The following TCHHL1 variants were observed in gnomAD, a reference collection of about 807,000 sequenced individuals.
TCHHL1 encodes trichohyalin-like protein 1.
TCHHL1 carries 1 observed loss-of-function variant against 3.5 expected under a neutral mutation model. The observed-to-expected ratio is 0.29, with a 90% CI of 0.10 to 1.36. The LOEUF (loss-of-function observed/expected upper bound fraction) is 1.36. Ranked by LOEUF, TCHHL1 falls within the 40% of genes most tolerant of loss-of-function variation. The pLI is 0.43. For missense variants in TCHHL1, 1,027 were observed against 1,032.8 expected (o/e 0.99, Z 0.08); for synonymous variants, 405 against 375.3 (o/e 1.08, Z -0.92).
At position 152,086,727 on chromosome 1, in the gene TCHHL1, G is replaced by A. The variant is rs1191659035; in HGVS notation, c.955C>T (p.Gln319Ter). The A allele has an allele frequency of 1.2e-6, 2 of 1,614,066 alleles. No homozygotes were observed. The highest frequency in any genetic ancestry group is 8.5e-7 in the Non-Finnish European group (1 of 1,180,046). Residue 319 changes from glutamine (Q) to a stop codon, truncating the protein, a stop_gained, in exon 3 of 3, where the codon CAG becomes TAG. Transcript: ENST00000368806. LOFTEE classifies it low-confidence loss of function (END_TRUNC). ...ACATCCTTGGAATCAGTTGATTTCT[G>A]TGTCTGAGATGGTGACCTGGCAGCA... ...QAAARSPSQT[Q>*]KSTDSKDVCR...
chr1:152,086,315 T>C lies in TCHHL1; in HGVS notation c.1367A>G (p.His456Arg), dbSNP rs2101505215. 6.2e-7 allele frequency: 1 copy of C among 1,614,234 alleles called. No individual in the cohort carries two copies. The highest frequency in any genetic ancestry group is 2.2e-5 in the East Asian group (1 of 44,890). The change falls in exon 3 of 3, where the codon CAC (histidine) becomes CGC (arginine). Residue 456 changes from histidine (H) to arginine (R), a missense_variant. Physicochemically the swap from His to Arg is conservative, Grantham distance 29 (BLOSUM62 0). Around this residue, in one of 3 missense-constraint regions of TCHHL1, gnomAD observed 673 missense variants for 658.6 expected, o/e 1.02. Coordinates refer to ENST00000368806, the MANE Select transcript of TCHHL1 (RefSeq NM_001008536.2). Reference sequence around the variant, plus strand: ...GACTGCTGTTCCTTCAAGTTCAGGGTGAGTCTGATCTCCTCCTTCTGAGCT... The same window carrying C: ...GACTGCTGTTCCTTCAAGTTCAGGGCGAGTCTGATCTCCTCCTTCTGAGCT... ...YLSSEGGDQT[H>R]PELEGTAVSG...
rs764848876 is a variant in TCHHL1 at position 152,087,204 on chromosome 1, A to T, written c.478T>A (p.Trp160Arg). ...GAVGNNRVDP[W>R]REAKTHNFPG... ...AAGTTGTGAGTCTTGGCTTCTCTCC[A>T]TGGGTCCACTCTGTTATTTCCAACT... Residue 160 changes from tryptophan (W) to arginine (R), a missense_variant, in exon 3 of 3, where the codon TGG becomes AGG. Around this residue, in one of 3 missense-constraint regions of TCHHL1, gnomAD observed 338 missense variants for 335.9 expected, o/e 1.01. Transcript: ENST00000368806. The T allele has an allele frequency of 2.2e-5, 35 of 1,613,796 alleles. No individual in the cohort carries two copies. The African/African-American group carries it at 2.7e-4, about 12-fold the overall frequency.
rs1657683807 is a variant in TCHHL1 at position 152,084,753 on chromosome 1, G to A, written c.*214C>T. 2.8e-5 allele frequency: 15 copies of A among 534,676 alleles called. 1 individual carries two copies. The highest frequency in any genetic ancestry group is 4.8e-5 in the Non-Finnish European group (15 of 314,116). The allele number at this position is 534,676 out of a possible 1,614,324, so 33.1% of individuals were successfully genotyped here. On this transcript the variant is annotated 3_prime_UTR_variant, in exon 3 of 3. Transcript: ENST00000368806. ...ATGACAAAGCCCATTTTGGCATTTG[G>A]AAGTAGCATTGTTTGGTAGGAGTTT...
In TCHHL1 at chr1:152,086,643, T is replaced by C. The variant is rs768285824; in HGVS notation, c.1039A>G (p.Thr347Ala). The C allele has an allele frequency of 6.2e-7, 1 of 1,614,064 alleles. No individual in the cohort carries two copies. The highest frequency in any genetic ancestry group is 8.5e-7 in the Non-Finnish European group (1 of 1,180,050). ...GKDADQTPAK[T>A]KNLGEPEDYG... Reference sequence around the variant, plus strand: ...TCCTCAGGTTCACCCAAATTCTTTGTTTTAGCTGGTGTCTGGTCAGCATCC... The same window carrying C: ...TCCTCAGGTTCACCCAAATTCTTTGCTTTAGCTGGTGTCTGGTCAGCATCC... The change falls in exon 3 of 3, where the codon ACA (threonine) becomes GCA (alanine). Residue 347 changes from threonine (T) to alanine (A), a missense_variant. Physicochemically the swap from Thr to Ala is moderately conservative, Grantham distance 58 (BLOSUM62 0). Coordinates refer to ENST00000368806, the MANE Select transcript of TCHHL1 (RefSeq NM_001008536.2).
At position 152,087,234 on chromosome 1, in the gene TCHHL1, C is replaced by T. The variant is rs756129243; in HGVS notation, c.448G>A (p.Gly150Arg). The T allele has an allele frequency of 5.0e-6, 8 of 1,614,000 alleles. No homozygotes were observed. In the Admixed American group the frequency reaches 1.3e-4, roughly 27 times the overall value. The part of the protein sequence containing the change: ...SSSQLIPEES[G>R]AVGNNRVDPW... ...TCCACTCTGTTATTTCCAACTGCTC[C>T]ACTTTCTTCAGGGATGAGCTGAGAT... The change falls in exon 3 of 3, where the codon GGA becomes AGA. Residue 150 changes from glycine (G) to arginine (R), a missense_variant. Physicochemically the swap from Gly to Arg is moderately radical, Grantham distance 125 (BLOSUM62 -2). Transcript: ENST00000368806.
chr1:152,085,677 C>T lies in TCHHL1; in HGVS notation c.2005G>A (p.Glu669Lys). The T allele has an allele frequency of 1.2e-6, 2 of 1,614,170 alleles. No homozygotes were observed. The highest frequency in any genetic ancestry group is 1.1e-5 in the South Asian group (1 of 91,080). The change falls in exon 3 of 3, where the codon GAA (glutamate) becomes AAA (lysine). Residue 669 changes from glutamate to lysine, a missense_variant. This residue lies in a region of TCHHL1 where 673 missense variants were observed against 658.6 expected (regional missense o/e 1.02). Coordinates refer to ENST00000368806, the MANE Select transcript of TCHHL1 (RefSeq NM_001008536.2). ...TCCAGGGCACCTGTGATCTCTATTT[C>T]CAGGGACTTTCTATTTTCATCTCCT... ...TAGDENRKSL[E>K]IEITGALDED...
Position 152,085,065 on chromosome 1 carries a change from G to A in TCHHL1, c.2617C>T (p.Gln873Ter), listed in dbSNP as rs1657692857. 6.2e-7 allele frequency: 1 copy of A among 1,613,896 alleles called. No individual in the cohort carries two copies. Among genetic ancestry groups the A allele is most frequent in the African/African-American group, 1.3e-5 (1 of 74,866 alleles). ...LPLDESPAGA[Q>*]ETPAPQALED... ...AAGGCCTGGGGAGCTGGTGTTTCCT[G>A]TGCACCAGCAGGACTCTCATCAAGT... The change falls in exon 3 of 3, where the codon CAG becomes TAG. Residue 873 changes from glutamine (Q) to a stop codon, truncating the protein, a stop_gained. Coordinates refer to ENST00000368806, the MANE Select transcript of TCHHL1 (RefSeq NM_001008536.2). LOFTEE classifies it low-confidence loss of function (END_TRUNC).
chr1:152,084,240 GCTT>G lies in TCHHL1; in HGVS notation c.*724_*726del, dbSNP rs1657675247. The G allele has an allele frequency of 1.8e-5, 3 of 168,732 alleles. No individual in the cohort carries two copies. The highest frequency in any genetic ancestry group is 7.2e-5 in the African/African-American group (3 of 41,468). The allele number at this position is 168,732 out of a possible 1,614,324, so 10.5% of individuals were successfully genotyped here. A position where few individuals can be genotyped will look rare whatever the true frequency, so the allele number is the denominator to read the frequency against. ...ACTCACTGGATGGTTGGTTACAAGA[GCTT>G]CTTATAAAATCAAACATACTTTAGA... On this transcript the variant is annotated 3_prime_UTR_variant, in exon 3 of 3. Transcript: ENST00000368806.
In TCHHL1 at chr1:152,084,358, T is replaced by C. The variant is rs552506161; in HGVS notation, c.*609A>G. On this transcript the variant is annotated 3_prime_UTR_variant, in exon 3 of 3. Transcript: ENST00000368806. Reference sequence around the variant, plus strand: ...GTAAGGAGTGGGATTTAATAAAAATTTGTTGGATGAGTAATTGAAAGAATG... The same window carrying C: ...GTAAGGAGTGGGATTTAATAAAAATCTGTTGGATGAGTAATTGAAAGAATG... 3.0e-5 allele frequency: 5 copies of C among 166,726 alleles called. No individual in the cohort carries two copies. Among genetic ancestry groups the C allele is most frequent in the Middle Eastern group, 3.3e-3 (1 of 300 alleles). 10.3% of individuals were successfully genotyped at this position (166,726 alleles called of 1,614,324 possible).
In TCHHL1 at chr1:152,086,873, T is replaced by G; in HGVS notation, c.809A>C (p.Gln270Pro). 1 of 1,614,218 alleles carries G rather than the reference T, an allele frequency of 6.2e-7. No individual in the cohort carries two copies. Among genetic ancestry groups the G allele is most frequent in the Non-Finnish European group, 8.5e-7 (1 of 1,180,044 alleles). Residue 270 changes from glutamine (Q) to proline (P), a missense_variant, in exon 3 of 3, where the codon CAA (glutamine) becomes CCA (proline). Gln to Pro is a moderately conservative substitution (Grantham distance 76, BLOSUM62 -1). Transcript: ENST00000368806. ...AACTTCCTGATCTTCACATGGTCTT[T>G]GTGTTGCTTCTTTTGGTGGTGAACT... is the stretch of plus-strand genomic sequence containing the variant. ...TQSSPPKEAT[Q>P]RPCEDQEVRT...
rs779719742 is a variant in TCHHL1, at chr1:152,085,617, G to A, written c.2065C>T (p.Leu689Phe). Residue 689 changes from leucine to phenylalanine, a missense_variant, in exon 3 of 3, where the codon CTC becomes TTC. By Grantham distance (22) the Leu-to-Phe change is conservative. Around this residue, in one of 3 missense-constraint regions of TCHHL1, gnomAD observed 673 missense variants for 658.6 expected, o/e 1.02. Transcript: ENST00000368806. ...DFTDQLSLMQ[L>F]PGKGDSRNEL... ...TTTCTGCTATCTCCCTTTCCAGGGA[G>A]CTGCATTAGGGAAAGCTGGTCAGTG... 14 of 1,614,052 alleles carry A rather than the reference G, an allele frequency of 8.7e-6. No homozygotes were observed. In the South Asian group the frequency reaches 1.5e-4, roughly 18 times the overall value.
At position 152,086,475 on chromosome 1, in the gene TCHHL1, C is replaced by A. The variant is rs1176989549; in HGVS notation, c.1207G>T (p.Ala403Ser). The A allele has an allele frequency of 4.3e-6, 7 of 1,614,074 alleles. No homozygotes were observed. The South Asian group carries it at 6.6e-5, about 15-fold the overall frequency. The change falls in exon 3 of 3, where the codon GCA (alanine) becomes TCA (serine). Residue 403 changes from alanine (A) to serine (S), a missense_variant. Ala to Ser is a moderately conservative substitution (Grantham distance 99). Transcript: ENST00000368806. ...ERRGPEAHGT[A>S]GQKERDRKTR... ...TTTCTGTCACGTTCTTTCTGCCCTG[C>A]TGTTCCATGGGCCTCAGGACCTCTC...
In TCHHL1 at chr1:152,086,025, G is replaced by T; in HGVS notation, c.1657C>A (p.Leu553Met). The change falls in exon 3 of 3, where the codon CTG (leucine) becomes ATG (methionine). Residue 553 changes from leucine to methionine, a missense_variant. Coordinates refer to ENST00000368806, the MANE Select transcript of TCHHL1 (RefSeq NM_001008536.2). ...DEGSSETPNSLASEEGNSSSE... is the reference protein window; with the variant it reads ...DEGSSETPNSMASEEGNSSSE... ...CTGCTATTGCCTTCCTCTGAAGCCA[G>T]GCTGTTGGGAGTTTCAGAAGACCCC... is the stretch of plus-strand genomic sequence containing the variant. The T allele has an allele frequency of 6.2e-7, 1 of 1,614,200 alleles. No individual in the cohort carries two copies. The highest frequency in any genetic ancestry group is 8.5e-7 in the Non-Finnish European group (1 of 1,180,046).
Position 152,087,557 on chromosome 1 carries a change from C to A in TCHHL1, c.139-14G>T. The A allele has an allele frequency of 6.4e-7, 1 of 1,572,734 alleles. No homozygotes were observed. Among genetic ancestry groups the A allele is most frequent in the Non-Finnish European group, 8.6e-7 (1 of 1,168,366 alleles). On this transcript the variant is annotated splice_polypyrimidine_tract_variant and intron_variant, in intron 2 of 2. Transcript: ENST00000368806. Reference sequence around the variant, plus strand: ...AAGGACACAGGGCTGCATGAAAACACAGTGAGAAATCAGCTTATTTATATG... The same window carrying A: ...AAGGACACAGGGCTGCATGAAAACAAAGTGAGAAATCAGCTTATTTATATG...
At position 152,085,200 on chromosome 1, in the gene TCHHL1, G is replaced by A; in HGVS notation, c.2482C>T (p.Gln828Ter). 1 of 1,614,136 alleles carries A rather than the reference G, an allele frequency of 6.2e-7. No homozygotes were observed. Among genetic ancestry groups the A allele is most frequent in the Non-Finnish European group, 8.5e-7 (1 of 1,180,036 alleles). ...EEHQKQVQIA[Q>*]ASGPELCSVS... The stretch of plus-strand genomic sequence containing the variant: ...CTGCAAAGCTCTGGGCCTGATGCCT[G>A]GGCTATCTGAACTTGCTTTTGATGC... The change falls in exon 3 of 3, where the codon CAG (glutamine) becomes TAG (stop). Residue 828 changes from glutamine (Q) to a stop codon, truncating the protein, a stop_gained. Transcript: ENST00000368806. LOFTEE classifies it low-confidence loss of function (END_TRUNC).
Position 152,085,916 on chromosome 1 carries a change from T to C in TCHHL1, c.1766A>G (p.Asn589Ser), listed in dbSNP as rs1474734085. ...QHGESVQGGH[N>S]NNPDTQRQGT... Reference sequence around the variant, plus strand: ...CTGCCTCTGGGTATCTGGGTTATTATTGTGACCTCCTTGCACAGACTCTCC... The same window carrying C: ...CTGCCTCTGGGTATCTGGGTTATTACTGTGACCTCCTTGCACAGACTCTCC... Residue 589 changes from asparagine (N) to serine (S), a missense_variant, in exon 3 of 3, where the codon AAT becomes AGT. Physicochemically the swap from Asn to Ser is conservative, Grantham distance 46. Transcript: ENST00000368806. The C allele has an allele frequency of 6.2e-7, 1 of 1,614,110 alleles. No individual in the cohort carries two copies. Among genetic ancestry groups the C allele is most frequent in the South Asian group, 1.1e-5 (1 of 91,092 alleles).
At chr1:152,088,231 T>C in intron 1 of TCHHL1, 68 bp from the exon 2 acceptor site, 1 of 1,390,800 alleles carries the variant, frequency 7.2e-7, no homozygotes, top group Non-Finnish European at 9.6e-7. Flanking sequence ...ACCAAGATTA[T>C]CCTTTTTGTT....
Position 152,088,106 on chromosome 1 carries a change from T to C in TCHHL1, c.38A>G (p.Glu13Gly), listed in dbSNP as rs1013513869. 9.3e-6 allele frequency: 15 copies of C among 1,607,786 alleles called. No individual in the cohort carries two copies. The highest frequency in any genetic ancestry group is 1.3e-5 in the Non-Finnish European group (15 of 1,177,578). The change falls in exon 2 of 3, where the codon GAG becomes GGG. Residue 13 changes from glutamate (E) to glycine (G), a missense_variant. By Grantham distance (98) the Glu-to-Gly change is moderately conservative (BLOSUM62 -2). Transcript: ENST00000368806. ...QLLRNVLCVIETFHKYASEDS... is the reference protein window; with the variant it reads ...QLLRNVLCVIGTFHKYASEDS... ...CTCACTGGCATATTTGTGGAATGTC[T>C]CAATTACACAGAGGACATTTCTCAG...
chr1:152,088,207 T>C lies in TCHHL1; in HGVS notation c.-20-44A>G, dbSNP rs183844221. 9.7e-5 allele frequency: 144 copies of C among 1,483,708 alleles called. No homozygotes were observed. In the East Asian group the frequency reaches 2.0e-3, roughly 20 times the overall value. The allele number at this position is 1,483,708 out of a possible 1,614,324, so 91.9% of individuals were successfully genotyped here. A position where few individuals can be genotyped will look rare whatever the true frequency, so the allele number is the denominator to read the frequency against. On this transcript the variant is annotated intron_variant, in intron 1 of 2. Transcript: ENST00000368806. ...AAAGCTCATTTTCCAGGATGGGTCC[T>C]TCAGGGAGGAGATACCAAGATTATC... is the stretch of plus-strand genomic sequence containing the variant.
Sources: gnomAD v4.1 joint callset for allele counts on GRCh38, gnomAD v4.1.1 for gene constraint, gnomAD v4.1.1 regional missense constraint, MANE v1.5 for transcripts, NCBI Gene and HGNC (gene_info 2026-07-23, HGNC 2026-07-21) for gene names.